The following TEAD1 variants were observed in gnomAD, a reference collection of about 807,000 sequenced individuals.
TEAD1 encodes transcriptional enhancer factor TEF-1.
Under a neutral mutation model 54.9 loss-of-function variants are expected in TEAD1, and 9 were observed. That is an observed-to-expected ratio of 0.16 (90% confidence interval 0.10 to 0.29). TEAD1 has a LOEUF of 0.29. Ranked by LOEUF, TEAD1 falls within the 10% of genes least tolerant of loss-of-function variation. The pLI is 1.00. For missense variants in TEAD1, 387 were observed against 535.9 expected (o/e 0.72, Z 2.74); for synonymous variants, 200 against 187.8 (o/e 1.07, Z -0.53).
chr11:12,813,343 T>C (rs1004795021), intron 3 of TEAD1, among the ~76,000 whole-genome samples: 1 of 152,078 alleles, frequency 6.6e-6, no homozygotes, highest in Non-Finnish European at 1.5e-5. Flanking sequence ...CCTTTAAGAG[T>C]GCCTCAAGTG....
At chr11:12,850,991 G>A (rs1947261490) in intron 3 of TEAD1, 22 of 866,202 alleles carry the variant, frequency 2.5e-5, no homozygotes, top group Non-Finnish European at 3.1e-5. Flanking sequence ...AACTTTAAAA[G>A]GATTTACAGA....
intron 10 of TEAD1, among the ~76,000 whole-genome samples, chr11:12,924,406 G>C (rs555535937): frequency 3.3e-5 from 5 of 152,282 alleles, no homozygotes; most frequent in African/African-American, 1.2e-4. Context: ...TGTGTTAAAT[G>C]AATGGCAACT....
At chr11:12,788,177 C>T (rs1945719456) in intron 3 of TEAD1, among the ~76,000 whole-genome samples, 1 of 148,734 alleles carries the variant, frequency 6.7e-6, no homozygotes, top group African/African-American at 2.5e-5. Flanking sequence ...CGTTCTGTTA[C>T]TCAGGCTGGA....
intron 5 of TEAD1, chr11:12,878,973 T>C: frequency 8.6e-7 from 1 of 1,165,184 alleles, no homozygotes; most frequent in East Asian, 5.7e-5. Context: ...TAGCTTTGTG[T>C]TGTTAGCCTT....
At chr11:12,890,150 T>C (rs550801366) in intron 9 of TEAD1, among the ~76,000 whole-genome samples, 1 of 152,332 alleles carries the variant, frequency 6.6e-6, no homozygotes, top group South Asian at 2.1e-4. Context: ...TAAATAAAGT[T>C]ATCAAGCTCT....
intron 2 of TEAD1, among the ~76,000 whole-genome samples, chr11:12,702,237 C>T (rs1943719135): frequency 6.6e-6 from 1 of 152,170 alleles, no homozygotes; most frequent in Non-Finnish European, 1.5e-5. Context: ...TGTCAGTGGT[C>T]CTAGGCTGGT....
intron 7 of TEAD1, 81 bp downstream of exon 7, chr11:12,881,132 G>A: frequency 6.7e-7 from 1 of 1,486,382 alleles, no homozygotes; most frequent in Non-Finnish European, 9.4e-7. Flanking sequence ...GGACCATAGT[G>A]TCTCAGGGCC....
chr11:12,739,208 C>CT (rs1330373512), intron 2 of TEAD1, among the ~76,000 whole-genome samples: 1 of 140,914 alleles, frequency 7.1e-6, no homozygotes, highest in East Asian at 2.0e-4. Flanking sequence ...TTCTATCTAT[C>CT]TATCTATCTA....
chr11:12,893,233 C>T (rs1282594467), intron 9 of TEAD1, among the ~76,000 whole-genome samples: 2 of 152,184 alleles, frequency 1.3e-5, no homozygotes, highest in African/African-American at 4.8e-5. Flanking sequence ...GAATGTCTCT[C>T]AGGTTTTTCT....
chr11:12,942,500 C>G lies in TEAD1; in HGVS notation c.*5278C>G, dbSNP rs993506780. ...GATGACCTAGTGTGTCATTTCACCTCGTCACCCAGCCCTGCGTCCGGATGA... is the reference window on the plus strand; with the variant it reads ...GATGACCTAGTGTGTCATTTCACCTGGTCACCCAGCCCTGCGTCCGGATGA... On this transcript the variant is annotated 3_prime_UTR_variant, in exon 13 of 13. Transcript: ENST00000527636. 1 of 152,192 alleles carries G rather than the reference C, an allele frequency of 6.6e-6. No homozygotes were observed. Among genetic ancestry groups the G allele is most frequent in the Non-Finnish European group, 1.5e-5 (1 of 68,036 alleles). The allele number at this position is 152,192 out of a possible 1,614,324, so 9.4% of individuals were successfully genotyped here. A position where few individuals can be genotyped will look rare whatever the true frequency, so the allele number is the denominator to read the frequency against.
chr11:12,714,474 TGTAGTTTTTA>T (rs1037261992), intron 2 of TEAD1, among the ~76,000 whole-genome samples: 4 of 152,134 alleles, frequency 2.6e-5, no homozygotes, highest in African/African-American at 9.7e-5. Flanking sequence ...GGCTAATTTT[TGTAGTTTTTA>T]TAGAGACAAG....
intron 3 of TEAD1, among the ~76,000 whole-genome samples, chr11:12,797,665 A>T: frequency 6.8e-6 from 1 of 148,052 alleles, no homozygotes; most frequent in Non-Finnish European, 1.5e-5. Flanking sequence ...GGTTTCCTCC[A>T]CTCTGCCAAT....
chr11:12,727,030 A>C (rs1282254161), intron 2 of TEAD1, among the ~76,000 whole-genome samples: 1 of 152,170 alleles, frequency 6.6e-6, no homozygotes, highest in East Asian at 1.9e-4. Flanking sequence ...ACTTGAGGTC[A>C]GGAGTTCAAG....
chr11:12,829,127 A>C (rs1427926061), intron 3 of TEAD1, among the ~76,000 whole-genome samples: 1 of 152,122 alleles, frequency 6.6e-6, no homozygotes, highest in African/African-American at 2.4e-5. Context: ...GATCCAGAGA[A>C]ACTCCCCAAG....
chr11:12,820,045 A>AGTGGGGGGGGGGGG (rs1946507969), intron 3 of TEAD1, among the ~76,000 whole-genome samples: 1 of 8,618 alleles, frequency 1.2e-4, no homozygotes, highest in Non-Finnish European at 2.1e-4. Context: ...GTGGGGAGGG[A>AGTGGGGGGGGGGGG]GGGTGGGAAG....
intron 3 of TEAD1, among the ~76,000 whole-genome samples, chr11:12,798,393 A>G (rs1303483744): frequency 6.6e-6 from 1 of 152,106 alleles, no homozygotes; most frequent in African/African-American, 2.4e-5. Flanking sequence ...ATTGATTTTT[A>G]ACGTATAATG....
At chr11:12,871,482 A>G (rs1405790879) in intron 5 of TEAD1, among the ~76,000 whole-genome samples, 2 of 152,214 alleles carry the variant, frequency 1.3e-5, no homozygotes, top group Admixed American at 1.3e-4. Context: ...AGCATTCTCC[A>G]TGTGTTAAGC....
At chr11:12,868,955 G>A (rs948037393) in intron 5 of TEAD1, among the ~76,000 whole-genome samples, 2 of 152,248 alleles carry the variant, frequency 1.3e-5, no homozygotes, top group Non-Finnish European at 2.9e-5. Context: ...TTCTGGGAGT[G>A]AGGGAATTAA....
chr11:12,798,703 G>A (rs572161836), intron 3 of TEAD1, among the ~76,000 whole-genome samples: 59 of 152,344 alleles, frequency 3.9e-4, no homozygotes, highest in Non-Finnish European at 7.6e-4. Context: ...TTGTATTTAC[G>A]GTTGAGTTTG....
Sources: gnomAD v4.1 joint callset for allele counts (sites outside exome capture counted in the v4.1 genomes callset) on GRCh38, gnomAD v4.1.1 for gene constraint, MANE v1.5 for transcripts, NCBI Gene and HGNC (gene_info 2026-07-23, HGNC 2026-07-21) for gene names.